Variants in WAC observed in about 807,000 individuals in gnomAD.
WAC encodes the protein WW domain containing adaptor with coiled-coil.
In WAC, 11 loss-of-function variants were observed where a neutral mutation model predicts 79.6. The ratio of observed to expected loss-of-function variants is 0.14; its 90% CI spans 0.09 to 0.23. The LOEUF (loss-of-function observed/expected upper bound fraction) is 0.23. Among genes scored for constraint, WAC ranks in the 10% least tolerant of loss-of-function variants. The pLI is 1.00. For missense variants in WAC, 728 were observed against 773.5 expected, an observed-to-expected ratio of 0.94 and a Z score of 0.70; for synonymous variants, 304 against 276.9, an observed-to-expected ratio of 1.10 and a Z score of -0.97.
At chr10:28,567,277 C>T (rs1006889322) in intron 3 of WAC, among the ~76,000 whole-genome samples, 1 of 150,908 alleles carries the variant, frequency 6.6e-6, no homozygotes, top group Non-Finnish European at 1.5e-5. Flanking sequence ...ATGTTGTATA[C>T]CCCCACTTCC....
At chr10:28,548,507 C>T (rs1207272310) in intron 3 of WAC, among the ~76,000 whole-genome samples, 1 of 152,146 alleles carries the variant, frequency 6.6e-6, no homozygotes, top group African/African-American at 2.4e-5. Flanking sequence ...ATAATTAAAG[C>T]TGTGTTCATT....
intron 3 of WAC, among the ~76,000 whole-genome samples, chr10:28,581,082 A>T (rs1721309389): frequency 6.6e-6 from 1 of 152,046 alleles, no homozygotes; most frequent in East Asian, 1.9e-4. Context: ...AGGGAAGCTC[A>T]CTAGAGATTT....
chr10:28,583,010 A>G (rs1839619636), intron 3 of WAC, among the ~76,000 whole-genome samples: 1 of 152,174 alleles, frequency 6.6e-6, no homozygotes, highest in African/African-American at 2.4e-5. Context: ...TACTGATAAC[A>G]GTGACTTTTA....
intron 2 of WAC, chr10:28,534,257 T>G: frequency 2.3e-6 from 1 of 442,020 alleles, no homozygotes; most frequent in Non-Finnish European, 4.0e-6. Flanking sequence ...GTTCGCTGAT[T>G]TAGGAAAAAA....
chr10:28,577,324 G>A (rs762413552), intron 3 of WAC, among the ~76,000 whole-genome samples: 1 of 151,906 alleles, frequency 6.6e-6, no homozygotes. Flanking sequence ...TTATCCTAAT[G>A]GTTTTTTTTG....
chr10:28,541,430 T>G (rs940830179), intron 3 of WAC, among the ~76,000 whole-genome samples: 19 of 140,534 alleles, frequency 1.4e-4, no homozygotes, highest in East Asian at 4.0e-4. Context: ...GTTTTTTTTT[T>G]TTTTTTTTTT....
chr10:28,562,957 T>C (rs1160435768), intron 3 of WAC, among the ~76,000 whole-genome samples: 1 of 152,262 alleles, frequency 6.6e-6, no homozygotes, highest in Non-Finnish European at 1.5e-5. Context: ...TAACAATTAC[T>C]AGTGTGCAGC....
intron 7 of WAC, among the ~76,000 whole-genome samples, chr10:28,607,194 C>A (rs1467214377): frequency 6.6e-6 from 1 of 152,164 alleles, no homozygotes; most frequent in South Asian, 2.1e-4. Context: ...TAACTTTACA[C>A]ATCTGCTTGG....
chr10:28,571,723 T>G (rs1838978776), intron 3 of WAC, among the ~76,000 whole-genome samples: 1 of 152,220 alleles, frequency 6.6e-6, no homozygotes, highest in Non-Finnish European at 1.5e-5. Flanking sequence ...AAAGTTGAAA[T>G]CCACTTCTTG....
At position 28,608,216 on chromosome 10, in the gene WAC, A is replaced by G; in HGVS notation, c.950A>G (p.His317Arg). 6.2e-7 allele frequency: 1 copy of G among 1,614,172 alleles called. No homozygotes were observed. Among genetic ancestry groups the G allele is most frequent in the South Asian group, 1.1e-5 (1 of 91,084 alleles). ...ACATCAGGAGACAAACCCGTATCAC[A>G]TTCTTGCACAACTCCTTCCACGTCT... ...ESTSGDKPVS[H>R]SCTTPSTSSA... Residue 317 changes from histidine (H) to arginine (R), a missense_variant, in exon 8 of 14, where the codon CAT (histidine) becomes CGT (arginine). Around this residue, in one of 3 missense-constraint regions of WAC, gnomAD observed 648 missense variants for 661.5 expected, o/e 0.98. Transcript: ENST00000354911.
In WAC at chr10:28,619,807, G is replaced by A. The variant is rs1247319010; in HGVS notation, c.*201G>A. ...AAAACCCTTGAAATGTAGATTTCTT[G>A]TAGATGTATCCTTCACGTTGTAAAT... is the stretch of plus-strand genomic sequence containing the variant. On this transcript the variant is annotated 3_prime_UTR_variant, in exon 14 of 14. Transcript: ENST00000354911. 2 of 466,812 alleles carry A rather than the reference G, an allele frequency of 4.3e-6. No individual in the cohort carries two copies. The highest frequency in any genetic ancestry group is 2.1e-5 in the African/African-American group (1 of 48,728). 28.9% of individuals were successfully genotyped at this position (466,812 alleles called of 1,614,324 possible).
rs764934182 is a variant in WAC at position 28,556,388 on chromosome 10, A to ATTTTTTTTTTTTTTTT, written c.274+20643_274+20658dup. 3.8e-4 allele frequency among the ~76,000 whole-genome samples: 21 copies of ATTTTTTTTTTTTTTTT among 55,088 alleles called. 2 individuals carry two copies. The highest frequency in any genetic ancestry group is 1.9e-3 in the East Asian group (3 of 1,596). The allele number at this position is 55,088 out of a possible 152,430, so 36.1% of individuals were successfully genotyped here. On this transcript the variant is annotated intron_variant, in intron 3 of 13. Transcript: ENST00000354911. ...TAGATTCAATTTCGTTGCCCATTAA[A>ATTTTTTTTTTTTTTTT]TTTTTTTTTTTTTTTTTTTTTTTTT...
chr10:28,592,117 T>A (rs1258205512), intron 6 of WAC, among the ~76,000 whole-genome samples: 2 of 152,214 alleles, frequency 1.3e-5, no homozygotes, highest in Non-Finnish European at 2.9e-5. Flanking sequence ...ATAATTTTTT[T>A]AATGGTATAA....
chr10:28,554,663 TA>T (rs1186743809), intron 3 of WAC, among the ~76,000 whole-genome samples: 4 of 152,228 alleles, frequency 2.6e-5, no homozygotes. Context: ...AATCACCTTT[TA>T]AGAAAAGCAC....
chr10:28,541,458 ACT>A (rs1296811836), intron 3 of WAC, among the ~76,000 whole-genome samples: 1 of 108,422 alleles, frequency 9.2e-6, no homozygotes, highest in Non-Finnish European at 1.7e-5. Flanking sequence ...AGACAGTCTC[ACT>A]CTGTACCTAG....
chr10:28,617,719 T>A lies in WAC; in HGVS notation c.1809T>A (p.Thr603=). 6.3e-7 allele frequency: 1 copy of A among 1,598,952 alleles called. No homozygotes were observed. The highest frequency in any genetic ancestry group is 8.5e-7 in the Non-Finnish European group (1 of 1,175,424). ...MGTIHMSEIC[T]ELKNLRSLVR... is the part of the protein sequence containing the mutation. ...CTATTCACATGTCCGAAATTTGTAC[T>A]GAATTAAAAAATTTAAGATCTTTAG... Residue 603 remains threonine (T), a synonymous_variant, in exon 13 of 14, where the codon ACT becomes ACA. Transcript: ENST00000354911.
intron 7 of WAC, among the ~76,000 whole-genome samples, chr10:28,603,805 G>A (rs932529594): frequency 6.6e-6 from 1 of 150,846 alleles, no homozygotes; most frequent in Middle Eastern, 3.2e-3. Flanking sequence ...GAGGTGGCAG[G>A]CGCCTGTAGT....
intron 3 of WAC, among the ~76,000 whole-genome samples, chr10:28,568,208 A>C (rs1404696640): frequency 6.6e-6 from 1 of 152,174 alleles, no homozygotes; most frequent in South Asian, 2.1e-4. Context: ...CTTCTTTTTG[A>C]AAGTTTACTT....
chr10:28,542,937 G>C (rs536923081), intron 3 of WAC, among the ~76,000 whole-genome samples: 1 of 152,252 alleles, frequency 6.6e-6, no homozygotes, highest in Admixed American at 6.5e-5. Context: ...AGAAGAGGAA[G>C]TGAGAGTTTT....
Sources: allele counts gnomAD v4.1 joint callset (sites outside exome capture counted in the v4.1 genomes callset), GRCh38; gene constraint gnomAD v4.1.1; regional missense constraint gnomAD v4.1.1; transcripts MANE v1.5; gene names NCBI Gene and HGNC (gene_info 2026-07-23, HGNC 2026-07-21).